The following DLGAP2 variants were observed in gnomAD, a reference collection of about 807,000 sequenced individuals.
The protein encoded by DLGAP2 is disks large-associated protein 2.
Under a neutral mutation model 100.3 loss-of-function variants are expected in DLGAP2, and 26 were observed. The ratio of observed to expected loss-of-function variants is 0.26; its 90% CI spans 0.19 to 0.36. The LOEUF is 0.36. Among genes scored for constraint, DLGAP2 ranks in the 10% least tolerant of loss-of-function variants. The pLI is 1.00. For synonymous variants in DLGAP2, 886 were observed against 630.1 expected, an observed-to-expected ratio of 1.41 and a Z score of -6.08; for missense variants, 1,858 against 1,453.2, an observed-to-expected ratio of 1.28 and a Z score of -4.53.
intron 5 of DLGAP2, among the ~76,000 whole-genome samples, chr8:1,555,270 G>T (rs1214189577): frequency 1.3e-5 from 2 of 152,148 alleles, no homozygotes; most frequent in Non-Finnish European, 1.5e-5. Flanking sequence ...CTGACACCCA[G>T]CCACCAGCTG....
At chr8:860,797 G>T (rs953774360) in intron 1 of DLGAP2, among the ~76,000 whole-genome samples, 1 of 152,150 alleles carries the variant, frequency 6.6e-6, no homozygotes, top group African/African-American at 2.4e-5. Flanking sequence ...CCTGTGTGGC[G>T]GGGAGTCAGT....
chr8:973,768 G>A (rs1439880983), intron 2 of DLGAP2, among the ~76,000 whole-genome samples: 2 of 151,964 alleles, frequency 1.3e-5, no homozygotes, highest in Non-Finnish European at 2.9e-5. Flanking sequence ...ATATACGCGC[G>A]GCTGAGCGGA....
intron 6 of DLGAP2, among the ~76,000 whole-genome samples, chr8:1,575,491 T>TTATTATTATTATTA (rs1563231289): frequency 3.6e-5 from 3 of 84,468 alleles, no homozygotes; most frequent in Admixed American, 1.1e-4. Context: ...TATTATTATT[T>TTATTATTATTATTA]AAGTTCTAGG....
intron 3 of DLGAP2, among the ~76,000 whole-genome samples, chr8:1,287,471 CGTGTGT>C (rs764935176): frequency 4.3e-5 from 1 of 23,338 alleles, no homozygotes; most frequent in African/African-American, 3.1e-4. Context: ...TTCGGTTCAG[CGTGTGT>C]GTGTGTGTGT....
chr8:1,175,872 C>G (rs754181048), intron 2 of DLGAP2, among the ~76,000 whole-genome samples: 1 of 152,168 alleles, frequency 6.6e-6, no homozygotes, highest in African/African-American at 2.4e-5. Flanking sequence ...ACCCTGTGCC[C>G]GTTGTTTATT....
At chr8:1,325,170 G>C (rs1450067433) in intron 3 of DLGAP2, among the ~76,000 whole-genome samples, 1 of 152,172 alleles carries the variant, frequency 6.6e-6, no homozygotes, top group Non-Finnish European at 1.5e-5. Context: ...GTCCCCCAGA[G>C]CTGGTGTAGC....
intron 3 of DLGAP2, chr8:1,369,895 G>A (rs565105060): frequency 6.6e-6 from 1 of 152,252 alleles, no homozygotes; most frequent in Non-Finnish European, 1.5e-5. Context: ...CCGTCCTGGG[G>A]CGTGCAGAGG....
At chr8:759,021 C>T (rs1820993131) in intron 1 of DLGAP2, among the ~76,000 whole-genome samples, 1 of 150,766 alleles carries the variant, frequency 6.6e-6, no homozygotes, top group Non-Finnish European at 1.5e-5. Context: ...ATTATCAATA[C>T]CCCTGACAGC....
At chr8:869,991 A>T (rs1219704273) in intron 1 of DLGAP2, among the ~76,000 whole-genome samples, 1 of 151,600 alleles carries the variant, frequency 6.6e-6, no homozygotes, top group Non-Finnish European at 1.5e-5. Context: ...GCTGAGAAAG[A>T]TACCGTGCCT....
chr8:1,040,037 TGCATGG>T (rs1802279944), intron 2 of DLGAP2, among the ~76,000 whole-genome samples: 1 of 148,442 alleles, frequency 6.7e-6, no homozygotes. Flanking sequence ...CAGCTCGGTG[TGCATGG>T]TCGGCTCGGT....
Position 1,387,375 on chromosome 8 carries a change from A to AGGTT in DLGAP2, c.107-113991_107-113990insGGTT, listed in dbSNP as rs1235888370. 9.2e-3 allele frequency among the ~76,000 whole-genome samples: 1,404 copies of AGGTT among 152,306 alleles called. 14 individuals are homozygous for AGGTT. Among genetic ancestry groups the AGGTT allele is most frequent in the South Asian group, 0.05 (239 of 4,822 alleles). ...TGGAATAAGTTCACAGAGAGTAGAA[A>AGGTT]CCCTGAATTGGGCAGTGGCCACGGG... On this transcript the variant is annotated intron_variant, in intron 3 of 14. Coordinates refer to ENST00000637795, the MANE Select transcript of DLGAP2 (RefSeq NM_001346810.2).
In DLGAP2 at chr8:1,009,136, C is replaced by T. The variant is rs564045930; in HGVS notation, c.73+101170C>T. Among the ~76,000 whole-genome samples, 9 of 152,306 alleles carry T rather than the reference C, an allele frequency of 5.9e-5. No individual in the cohort carries two copies. In the East Asian group the frequency reaches 9.7e-4, roughly 16 times the overall value. ...CTTCCATGTGGCCGAGGGTGGTGTT[C>T]CTGCAATGCTTGGTCAGCTCTGCCT... On this transcript the variant is annotated intron_variant, in intron 2 of 14. Coordinates refer to ENST00000637795, the MANE Select transcript of DLGAP2 (RefSeq NM_001346810.2).
At chr8:1,487,223 T>C (rs1211034638) in intron 3 of DLGAP2, among the ~76,000 whole-genome samples, 2 of 152,254 alleles carry the variant, frequency 1.3e-5, no homozygotes, top group Admixed American at 6.5e-5. Context: ...GTTTCATCTG[T>C]CATTTTTTAA....
At position 924,616 on chromosome 8, in the gene DLGAP2, C is replaced by T. The variant is rs188864767; in HGVS notation, c.73+16650C>T. On this transcript the variant is annotated intron_variant, in intron 2 of 14. Transcript: ENST00000637795. ...TCTTTCTTTTTGAGACGGAGTTTTG[C>T]TCGTTGCCCAGGCTGGAGTGCAATG... is the stretch of plus-strand genomic sequence containing the variant. 2.8e-3 allele frequency among the ~76,000 whole-genome samples: 427 copies of T among 151,308 alleles called. 1 individual carries two copies. The highest frequency in any genetic ancestry group is 5.0e-3 in the Non-Finnish European group (342 of 67,858).
rs377419436 is a variant in DLGAP2, at chr8:1,520,617, C to G, written c.172+19186C>G. Among the ~76,000 whole-genome samples the G allele has an allele frequency of 2.2e-4, 33 of 152,300 alleles. No individual in the cohort carries two copies. The East Asian group carries it at 2.3e-3, about 11-fold the overall frequency. ...CTCCCTGCCCCCAACCCCTGGCAAA[C>G]ACTGACTCTTTCGCTACCTTTGTAG... On this transcript the variant is annotated intron_variant, in intron 4 of 14. Coordinates refer to ENST00000637795, the MANE Select transcript of DLGAP2 (RefSeq NM_001346810.2).
At chr8:1,323,326 G>A (rs569704573) in intron 3 of DLGAP2, among the ~76,000 whole-genome samples, 6 of 152,184 alleles carry the variant, frequency 3.9e-5, no homozygotes, top group African/African-American at 1.4e-4. Flanking sequence ...CACTGCACCC[G>A]GCCTGAAACT....
At position 1,501,443 on chromosome 8, in the gene DLGAP2, A is replaced by C. The variant is rs1024838339; in HGVS notation, c.172+12A>C. Reference sequence around the variant, plus strand: ...AGAGGAGGATCTAGGTAGAGTACAGACGTCAGCCCCGCTCTGGCGGGGCCC... The same window carrying C: ...AGAGGAGGATCTAGGTAGAGTACAGCCGTCAGCCCCGCTCTGGCGGGGCCC... On this transcript the variant is annotated intron_variant, in intron 4 of 14. Transcript: ENST00000637795. 1.3e-6 allele frequency: 2 copies of C among 1,535,454 alleles called. No homozygotes were observed. The highest frequency in any genetic ancestry group is 2.0e-5 in the Admixed American group (1 of 50,968).
At chr8:902,493 C>T (rs1044597738) in intron 1 of DLGAP2, among the ~76,000 whole-genome samples, 1 of 145,910 alleles carries the variant, frequency 6.9e-6, no homozygotes, top group Non-Finnish European at 1.5e-5. Context: ...GTCACAGAGG[C>T]GCTGGGTGCC....
At chr8:894,373 C>G (rs970889854) in intron 1 of DLGAP2, among the ~76,000 whole-genome samples, 1 of 152,140 alleles carries the variant, frequency 6.6e-6, no homozygotes, top group Non-Finnish European at 1.5e-5. Flanking sequence ...GATGCTGAAT[C>G]TACCTGCGTG....
Sources: gnomAD v4.1 joint callset for allele counts (sites outside exome capture counted in the v4.1 genomes callset) on GRCh38, gnomAD v4.1.1 for gene constraint, MANE v1.5 for transcripts, NCBI Gene and HGNC (gene_info 2026-07-23, HGNC 2026-07-21) for gene names.